The following ARNT2 variants were observed in gnomAD, a reference collection of about 807,000 sequenced individuals.
ARNT2 encodes ARNT protein 2.
A neutral mutation model predicts 91.7 loss-of-function variants in ARNT2; 36 were observed. The observed-to-expected ratio is 0.39, with a 90% confidence interval of 0.30 to 0.52. The LOEUF is 0.52. ARNT2 is among the 20% of genes least tolerant of loss of function. The pLI, the probability that ARNT2 is intolerant of heterozygous loss-of-function variation, is 0.72. For synonymous variants in ARNT2, 365 were observed against 347.1 expected, an observed-to-expected ratio of 1.05 and a Z score of -0.57; for missense variants, 775 against 939.3, an observed-to-expected ratio of 0.83 and a Z score of 2.29.
intron 5 of ARNT2, among the ~76,000 whole-genome samples, chr15:80,504,847 A>T (rs560289735): frequency 1.5e-4 from 22 of 150,540 alleles, no homozygotes; most frequent in African/African-American, 5.3e-4. Context: ...AGGGCCAGGG[A>T]TGAGAGAGTG....
intron 1 of ARNT2, among the ~76,000 whole-genome samples, chr15:80,428,812 G>T (rs1017348031): frequency 6.6e-6 from 1 of 152,148 alleles, no homozygotes; most frequent in Non-Finnish European, 1.5e-5. Flanking sequence ...TCATATCCAC[G>T]TCTGGTCTCT....
intron 1 of ARNT2, among the ~76,000 whole-genome samples, chr15:80,435,418 A>G (rs1896071792): frequency 6.6e-6 from 1 of 152,146 alleles, no homozygotes; most frequent in African/African-American, 2.4e-5. Context: ...CAGAAGCAGC[A>G]AGGTCCGTTG....
rs764592899 is a variant in ARNT2 at position 80,570,235 on chromosome 15, C to T, written c.1317-3913C>T. Among the ~76,000 whole-genome samples the T allele has an allele frequency of 5.3e-5, 8 of 152,310 alleles. No homozygotes were observed. In the East Asian group the frequency reaches 5.8e-4, roughly 11 times the overall value. ...CACATCAATTACATTCTAGCCATGT[C>T]GCCCTGGATGCATCATTTACATTCT... On this transcript the variant is annotated intron_variant, in intron 12 of 18. Transcript: ENST00000303329.
intron 17 of ARNT2, among the ~76,000 whole-genome samples, chr15:80,590,991 G>T (rs1299966918): frequency 6.6e-6 from 1 of 152,208 alleles, no homozygotes; most frequent in Non-Finnish European, 1.5e-5. Flanking sequence ...CCTGTAGGGG[G>T]ACCTTGTATA....
At chr15:80,430,883 C>G (rs1362670287) in intron 1 of ARNT2, among the ~76,000 whole-genome samples, 1 of 152,088 alleles carries the variant, frequency 6.6e-6, no homozygotes, top group Admixed American at 6.5e-5. Context: ...CCTTAGTGGA[C>G]TAACCTATGA....
chr15:80,531,326 A>C (rs74027827), intron 8 of ARNT2, among the ~76,000 whole-genome samples: 1,797 of 152,314 alleles, frequency 0.012, 37 homozygotes, highest in African/African-American at 0.042. Flanking sequence ...TTTCCAGTTA[A>C]ATTTCATTTG....
intron 5 of ARNT2, among the ~76,000 whole-genome samples, chr15:80,485,797 A>T (rs1375073477): frequency 6.6e-6 from 1 of 152,170 alleles, no homozygotes; most frequent in African/African-American, 2.4e-5. Flanking sequence ...CAGAGTGGAG[A>T]ACATGTCATA....
intron 12 of ARNT2, among the ~76,000 whole-genome samples, chr15:80,567,515 C>T (rs1898507565): frequency 6.6e-6 from 1 of 152,176 alleles, no homozygotes. Flanking sequence ...AGAATAAATA[C>T]TTCCCCGCAG....
At position 80,576,698 on chromosome 15, in the gene ARNT2, G is replaced by C. The variant is rs534864084; in HGVS notation, c.1514-168G>C. On this transcript the variant is annotated intron_variant, in intron 14 of 18. Coordinates refer to ENST00000303329, the MANE Select transcript of ARNT2 (RefSeq NM_014862.4). ...TTCATATGCCAGGGAGGCTCCAGGG[G>C]AGATGAGGAGGCAGAGGCAAGGCTG... Among the ~76,000 whole-genome samples, 223 of 152,368 alleles carry C rather than the reference G, an allele frequency of 1.5e-3. 1 individual carries two copies. The highest frequency in any genetic ancestry group is 5.2e-3 in the African/African-American group (216 of 41,590).
intron 1 of ARNT2, among the ~76,000 whole-genome samples, chr15:80,406,258 G>T (rs1895599984): frequency 6.6e-6 from 1 of 152,208 alleles, no homozygotes; most frequent in African/African-American, 2.4e-5. Context: ...AGTTCCATCA[G>T]CAGAAATAGG....
At chr15:80,531,991 T>C (rs926444093) in intron 8 of ARNT2, among the ~76,000 whole-genome samples, 43 of 152,138 alleles carry the variant, frequency 2.8e-4, no homozygotes, top group Non-Finnish European at 5.7e-4. Context: ...AGTGGGCGGC[T>C]CCACCTCTTC....
In ARNT2 at chr15:80,513,955, C is replaced by T. The variant is rs1362016676; in HGVS notation, c.770C>T (p.Thr257Ile). Residue 257 changes from threonine to isoleucine, a missense_variant, in exon 7 of 19, where the codon ACC (threonine) becomes ATC (isoleucine). Around this residue, in one of 5 missense-constraint regions of ARNT2, gnomAD observed 285 missense variants for 327.2 expected, o/e 0.87. Coordinates refer to ENST00000303329, the MANE Select transcript of ARNT2 (RefSeq NM_014862.4). ...GACCACCTTCCTCTAAACAGAATAA[C>T]CACCATGAGGAAAAGGTTCAGGTCA... ...PLDHLPLNRI[T>I]TMRKRFRNGL... 6.2e-6 allele frequency: 10 copies of T among 1,613,554 alleles called. No homozygotes were observed. Among genetic ancestry groups the T allele is most frequent in the Middle Eastern group, 3.3e-4 (2 of 6,060 alleles).
intron 11 of ARNT2, among the ~76,000 whole-genome samples, chr15:80,558,978 G>A (rs1898260772): frequency 6.6e-6 from 1 of 152,158 alleles, no homozygotes; most frequent in African/African-American, 2.4e-5. Flanking sequence ...ATTATCTTAT[G>A]TAATCCTCAA....
chr15:80,574,284 A>G, intron 13 of ARNT2, 64 bp downstream of exon 13: 5 of 1,498,922 alleles, frequency 3.3e-6, no homozygotes, highest in Non-Finnish European at 4.6e-6. Flanking sequence ...TTGGGACTCA[A>G]TTCAGCCCTG....
chr15:80,576,115 C>T (rs892719431), intron 14 of ARNT2, among the ~76,000 whole-genome samples: 1 of 152,132 alleles, frequency 6.6e-6, no homozygotes, highest in African/African-American at 2.4e-5. Flanking sequence ...TCCAAGGTTG[C>T]ACCTCTTACC....
At chr15:80,505,924 G>GTTTTTTTTTTTTTT (rs1486880107) in intron 5 of ARNT2, among the ~76,000 whole-genome samples, 12 of 71,168 alleles carry the variant, frequency 1.7e-4, no homozygotes, top group African/African-American at 7.9e-4. Flanking sequence ...CCCAACATTT[G>GTTTTTTTTTTTTTT]TTGTTTTTTT....
chr15:80,532,054 T>G (rs898605281), intron 8 of ARNT2, among the ~76,000 whole-genome samples: 13 of 152,222 alleles, frequency 8.5e-5, no homozygotes, highest in Non-Finnish European at 1.9e-4. Flanking sequence ...AAGAACTGGA[T>G]GTGTTCAGCC....
At chr15:80,564,227 C>T (rs2141468482) in intron 12 of ARNT2, among the ~76,000 whole-genome samples, 1 of 152,194 alleles carries the variant, frequency 6.6e-6, no homozygotes, top group African/African-American at 2.4e-5. Flanking sequence ...CTGTTTCCAA[C>T]CCTACCACCT....
intron 5 of ARNT2, among the ~76,000 whole-genome samples, chr15:80,507,803 A>G (rs1284275347): frequency 6.6e-6 from 1 of 152,184 alleles, no homozygotes; most frequent in Non-Finnish European, 1.5e-5. Flanking sequence ...AAACAAAGGA[A>G]AAACGTGTTT....
Sources: gnomAD v4.1 joint callset for allele counts (sites outside exome capture counted in the v4.1 genomes callset) on GRCh38, gnomAD v4.1.1 for gene constraint, gnomAD v4.1.1 regional missense constraint, MANE v1.5 for transcripts, NCBI Gene and HGNC (gene_info 2026-07-23, HGNC 2026-07-21) for gene names.